The following SESN2 variants were observed in gnomAD, a reference collection of about 807,000 sequenced individuals.
SESN2 encodes sestrin-2.
SESN2 carries 42 observed loss-of-function variants against 56.0 expected under a neutral mutation model. That is an observed-to-expected ratio of 0.75 (90% CI 0.59 to 0.97). The LOEUF is 0.97. Among genes scored for constraint, SESN2 ranks in the 50% least tolerant of loss-of-function variants. SESN2 has a pLI of 0.00. For missense variants in SESN2, 507 were observed against 649.4 expected, an observed-to-expected ratio of 0.78 and a Z score of 2.38; for synonymous variants, 264 against 267.1, an observed-to-expected ratio of 0.99 and a Z score of 0.11.
Position 28,273,372 on chromosome 1 carries a change from C to A in SESN2, c.765C>A (p.Ala255=). Residue 255 remains alanine, a synonymous_variant, in exon 6 of 10, where the codon GCC becomes GCA. Coordinates refer to ENST00000253063, the MANE Select transcript of SESN2 (RefSeq NM_031459.5). ...PLNNSGGFES[A]RDVEALMERM... is the part of the protein sequence containing the mutation. ...CTCTCCTGCAGGGCTTTGAGTCTGC[C>A]CGCGACGTGGAGGCGCTGATGGAGC... 1 of 1,598,818 alleles carries A rather than the reference C, an allele frequency of 6.3e-7. No individual in the cohort carries two copies. Among genetic ancestry groups the A allele is most frequent in the South Asian group, 1.1e-5 (1 of 89,304 alleles).
intron 9 of SESN2, among the ~76,000 whole-genome samples, chr1:28,280,261 TAAA>T: frequency 6.6e-6 from 1 of 152,080 alleles, no homozygotes; most frequent in African/African-American, 2.4e-5. Flanking sequence ...GAAGATAAAA[TAAA>T]AAAATGTACA....
chr1:28,260,741 G>A (rs934078175), intron 1 of SESN2, among the ~76,000 whole-genome samples: 6 of 143,942 alleles, frequency 4.2e-5, no homozygotes, highest in Non-Finnish European at 7.5e-5. Flanking sequence ...ATAGCCCGCA[G>A]GGGCTTTGCA....
chr1:28,267,413 C>T (rs1198366502), intron 1 of SESN2, among the ~76,000 whole-genome samples: 2 of 152,148 alleles, frequency 1.3e-5, no homozygotes, highest in African/African-American at 4.8e-5. Context: ...GTACCTATTC[C>T]AGAGACTTTG....
rs750403349 is a variant in SESN2 at position 28,272,476 on chromosome 1, G to A, written c.537+10G>A. 3.7e-6 allele frequency: 6 copies of A among 1,612,168 alleles called. No individual in the cohort carries two copies. The highest frequency in any genetic ancestry group is 1.7e-5 in the Admixed American group (1 of 60,008). On this transcript the variant is annotated intron_variant, in intron 4 of 9. Coordinates refer to ENST00000253063, the MANE Select transcript of SESN2 (RefSeq NM_031459.5). ...CAAGGAACACATCCAGGTGCAGGGG[G>A]CAGAGAGGCGGGTGTCTGAGGGAGC...
At chr1:28,273,963 CT>C in intron 6 of SESN2, 76 bp from the exon 7 acceptor site, 1 of 978,706 alleles carries the variant, frequency 1.0e-6, no homozygotes, top group Non-Finnish European at 1.6e-6. Context: ...TCCCCTCCCC[CT>C]TTTGGTGATT....
At position 28,280,803 on chromosome 1, in the gene SESN2, C is replaced by T. The variant is rs1648214192; in HGVS notation, c.*1C>T. 3 of 1,611,308 alleles carry T rather than the reference C, an allele frequency of 1.9e-6. No homozygotes were observed. Among genetic ancestry groups the T allele is most frequent in the African/African-American group, 1.3e-5 (1 of 74,902 alleles). On this transcript the variant is annotated 3_prime_UTR_variant, in exon 10 of 10. Transcript: ENST00000253063. The stretch of plus-strand genomic sequence containing the variant: ...TGCCATCACCCGCTACATGACCTGA[C>T]TCCTGAGCAGGACCTGGGCCCGGTT...
rs1483155544 is a variant in SESN2 at position 28,271,661 on chromosome 1, C to G, written c.157-13C>G. 3 of 1,612,546 alleles carry G rather than the reference C, an allele frequency of 1.9e-6. No homozygotes were observed. Among genetic ancestry groups the G allele is most frequent in the East Asian group, 4.5e-5 (2 of 44,880 alleles). ...GGAGGGAAACCCATGCTCTCCTCCCCTTTGGTTGGCAGGTCCTTCGGGAGG... is the reference window on the plus strand; with the variant it reads ...GGAGGGAAACCCATGCTCTCCTCCCGTTTGGTTGGCAGGTCCTTCGGGAGG... On this transcript the variant is annotated splice_polypyrimidine_tract_variant and intron_variant, in intron 2 of 9. Transcript: ENST00000253063.
intron 1 of SESN2, among the ~76,000 whole-genome samples, chr1:28,264,664 A>C (rs1245593165): frequency 1.3e-5 from 2 of 152,194 alleles, no homozygotes; most frequent in African/African-American, 4.8e-5. Context: ...GGCTATTTAA[A>C]TTTAGATAAA....
Position 28,280,729 on chromosome 1 carries a change from TGCTGCTCCTG to T in SESN2, c.1372_1381del (p.Leu458ArgfsTer19). 6.2e-7 allele frequency: 1 copy of T among 1,613,286 alleles called. No individual in the cohort carries two copies. The highest frequency in any genetic ancestry group is 8.5e-7 in the Non-Finnish European group (1 of 1,179,898). ...TCTGTGCCCCAGGTCCACGTGAACT[TGCTGCTCCTG>T]GAGGCGCGCATGCAAGCCGCTCTGC... On this transcript the variant is annotated frameshift_variant, in exon 10 of 10. Transcript: ENST00000253063. LOFTEE classifies it high-confidence loss of function.
At position 28,272,310 on chromosome 1, in the gene SESN2, C is replaced by T; in HGVS notation, c.381C>T (p.Tyr127=). Residue 127 remains tyrosine (Y), a synonymous_variant, in exon 4 of 10, where the codon TAC becomes TAT. Coordinates refer to ENST00000253063, the MANE Select transcript of SESN2 (RefSeq NM_031459.5). ...IMAAARHQCS[Y]LVGSHMAEFL... ...CTGCCGCCCGCCATCAGTGTTCTTACCTGGTAGGCTCCCACATGGCCGAGT... is the reference window on the plus strand; with the variant it reads ...CTGCCGCCCGCCATCAGTGTTCTTATCTGGTAGGCTCCCACATGGCCGAGT... 6.2e-7 allele frequency: 1 copy of T among 1,614,086 alleles called. No homozygotes were observed. Among genetic ancestry groups the T allele is most frequent in the Non-Finnish European group, 8.5e-7 (1 of 1,180,018 alleles).
At position 28,272,388 on chromosome 1, in the gene SESN2, C is replaced by T. The variant is rs376058765; in HGVS notation, c.459C>T (p.Pro153=). The T allele has an allele frequency of 7.4e-5, 119 of 1,613,464 alleles. No individual in the cohort carries two copies. The highest frequency in any genetic ancestry group is 1.0e-4 in the Admixed American group (6 of 59,984). The change falls in exon 4 of 10, where the codon CCC becomes CCT. Residue 153 remains proline, a synonymous_variant. Transcript: ENST00000253063. ...GGCTGCTGGGCCTCCACCGGGCCCC[C>T]GAGAAGCTGCGCAAACTCAGCGAGA... ...PEWLLGLHRA[P]EKLRKLSEIN...
chr1:28,259,866 G>T lies in SESN2; in HGVS notation c.19G>T (p.Glu7Ter). Residue 7 changes from glutamate to a stop codon, truncating the protein, a stop_gained, in exon 1 of 10, where the codon GAG (glutamate) becomes TAG (stop). Transcript: ENST00000253063. LOFTEE classifies it high-confidence loss of function. Reference protein sequence around the residue: MIVADSECRAELKDYLR... With the variant: MIVADS ...GCGCACCATGATCGTGGCGGACTCC[G>T]AGTGCCGCGCAGAGCTCAAGGACTA... is the stretch of plus-strand genomic sequence containing the variant. 7.1e-7 allele frequency: 1 copy of T among 1,406,640 alleles called. No homozygotes were observed. Among genetic ancestry groups the T allele is most frequent in the Non-Finnish European group, 9.2e-7 (1 of 1,081,382 alleles). The allele number at this position is 1,406,640 out of a possible 1,614,324, so 87.1% of individuals were successfully genotyped here. A position where few individuals can be genotyped will look rare whatever the true frequency, so the allele number is the denominator to read the frequency against.
At position 28,271,865 on chromosome 1, in the gene SESN2, C is replaced by T; in HGVS notation, c.348C>T (p.Ala116=). ...PLASSWRHYI[A]IMAAARHQCS... is the part of the protein sequence containing the mutation. ...CCAGCTCCTGGCGCCACTACATTGC[C>T]ATCATGGTGAGCCTCTCTGGGCCTG... Residue 116 remains alanine, a synonymous_variant, in exon 3 of 10, where the codon GCC becomes GCT. Coordinates refer to ENST00000253063, the MANE Select transcript of SESN2 (RefSeq NM_031459.5). 6.2e-7 allele frequency: 1 copy of T among 1,614,156 alleles called. No individual in the cohort carries two copies. Among genetic ancestry groups the T allele is most frequent in the East Asian group, 2.2e-5 (1 of 44,878 alleles).
At chr1:28,262,984 C>G (rs1056214108) in intron 1 of SESN2, among the ~76,000 whole-genome samples, 1 of 152,124 alleles carries the variant, frequency 6.6e-6, no homozygotes, top group Non-Finnish European at 1.5e-5. Context: ...CAGGGAAGCC[C>G]TTCCTCCCCC....
chr1:28,260,569 G>T (rs541714655), intron 1 of SESN2, among the ~76,000 whole-genome samples: 25 of 152,320 alleles, frequency 1.6e-4, no homozygotes, highest in Non-Finnish European at 3.1e-4. Context: ...AAGCTGGGGG[G>T]AGAGGGGACA....
chr1:28,266,702 G>C (rs1003911443), intron 1 of SESN2, among the ~76,000 whole-genome samples: 1 of 151,924 alleles, frequency 6.6e-6, no homozygotes, highest in African/African-American at 2.4e-5. Flanking sequence ...TGGGACTACA[G>C]GTTGTGTGCT....
intron 7 of SESN2, 86 bp downstream of exon 7, chr1:28,274,244 G>C (rs1438273825): frequency 8.9e-6 from 8 of 902,112 alleles, no homozygotes; most frequent in Non-Finnish European, 1.3e-5. Context: ...ACAGAGTTAG[G>C]TACCCAGCTG....
intron 6 of SESN2, 105 bp from the exon 7 acceptor site, chr1:28,273,935 T>A (rs77408888): frequency 0.033 from 25,301 of 766,106 alleles, 575 homozygotes; most frequent in Middle Eastern, 0.046. Flanking sequence ...GGGCTTTTTT[T>A]GGCCCTCTAT....
intron 1 of SESN2, among the ~76,000 whole-genome samples, chr1:28,265,448 C>T (rs1011048490): frequency 1.3e-5 from 2 of 152,132 alleles, no homozygotes; most frequent in Admixed American, 1.3e-4. Context: ...GGCTGGAGTG[C>T]AATGGTGCGA....
Sources: gnomAD v4.1 joint callset for allele counts (sites outside exome capture counted in the v4.1 genomes callset) on GRCh38, gnomAD v4.1.1 for gene constraint, MANE v1.5 for transcripts, NCBI Gene and HGNC (gene_info 2026-07-23, HGNC 2026-07-21) for gene names.